Variants in PSIP1 observed in about 807,000 individuals in gnomAD.
The protein encoded by PSIP1 is PC4 and SFRS1-interacting protein.
Under a neutral mutation model 74.7 loss-of-function variants are expected in PSIP1, and 19 were observed. That is an observed-to-expected ratio of 0.25 (90% CI 0.18 to 0.37). The LOEUF (loss-of-function observed/expected upper bound fraction) is 0.37, where lower values mean the gene tolerates loss of function less well. Ranked by LOEUF, PSIP1 falls within the 10% of genes least tolerant of loss-of-function variation. PSIP1 has a pLI of 1.00. For missense variants in PSIP1, 601 were observed against 614.3 expected (o/e 0.98, Z 0.23); for synonymous variants, 222 against 195.3 (o/e 1.14, Z -1.14).
Position 15,486,902 on chromosome 9 carries a change from A to G in PSIP1, c.318T>C (p.Ser106=), listed in dbSNP as rs1185533020. The change falls in exon 5 of 16, where the codon TCT becomes TCC. Residue 106 remains serine, a synonymous_variant. Transcript: ENST00000380733. ...QAATKQSNAS[S]DVEVEEKETS... is the part of the protein sequence containing the mutation. ...TTTCCTTTTCTTCAACTTCAACATC[A>G]GATGATGCATTTGATTGTTTAGTTG... 6.2e-7 allele frequency: 1 copy of G among 1,611,816 alleles called. No homozygotes were observed. The highest frequency in any genetic ancestry group is 8.5e-7 in the Non-Finnish European group (1 of 1,179,012).
chr9:15,495,650 T>C (rs1255377999), intron 3 of PSIP1, among the ~76,000 whole-genome samples: 2 of 152,168 alleles, frequency 1.3e-5, no homozygotes, highest in Non-Finnish European at 2.9e-5. Context: ...CTATCTTCTA[T>C]GCCTTGGCAA....
intron 15 of PSIP1, 181 bp from the exon 16 acceptor site, chr9:15,465,761 A>G (rs554291759): frequency 3.7e-6 from 2 of 534,260 alleles, no homozygotes; most frequent in East Asian, 3.1e-5. Context: ...CAAAACTGTT[A>G]TTTTACCATG....
chr9:15,471,651 T>TTTAAA (rs75623097), intron 10 of PSIP1: 42,903 of 952,200 alleles, frequency 0.045, 1,028 homozygotes, highest in Middle Eastern at 0.068. Flanking sequence ...AGATAAGTTA[T>TTTAAA]TTAAATTACT....
At chr9:15,467,649 A>G (rs2035691184) in intron 14 of PSIP1, among the ~76,000 whole-genome samples, 1 of 152,242 alleles carries the variant, frequency 6.6e-6, no homozygotes, top group African/African-American at 2.4e-5. Context: ...CTGGATGACA[A>G]GGACATGAGA....
intron 8 of PSIP1, among the ~76,000 whole-genome samples, chr9:15,477,789 C>T (rs535452777): frequency 6.6e-6 from 1 of 151,926 alleles, no homozygotes; most frequent in Non-Finnish European, 1.5e-5. Context: ...AATTTACATA[C>T]AAAAATTATT....
At chr9:15,507,229 T>C (rs958472538) in intron 2 of PSIP1, among the ~76,000 whole-genome samples, 4 of 152,218 alleles carry the variant, frequency 2.6e-5, no homozygotes, top group Non-Finnish European at 4.4e-5. Flanking sequence ...TTCAACCTTT[T>C]AAATTATGTA....
At chr9:15,488,414 T>C (rs1164350786) in intron 4 of PSIP1, among the ~76,000 whole-genome samples, 2 of 152,172 alleles carry the variant, frequency 1.3e-5, no homozygotes, top group African/African-American at 2.4e-5. Context: ...ACTCGTGCTC[T>C]TCCTAGTTTT....
chr9:15,490,178 T>G, intron 3 of PSIP1, 54 bp from the exon 4 acceptor site: 1 of 1,453,906 alleles, frequency 6.9e-7, no homozygotes, highest in Non-Finnish European at 9.1e-7. Flanking sequence ...ATACATAATT[T>G]ATTAGATAAG....
chr9:15,472,104 G>A (rs2132048491), intron 10 of PSIP1: 1 of 983,578 alleles, frequency 1.0e-6, no homozygotes, highest in Admixed American at 6.2e-5. Flanking sequence ...CAAAATTTAA[G>A]AGAAAACAGC....
intron 4 of PSIP1, among the ~76,000 whole-genome samples, chr9:15,489,783 T>C (rs879797067): frequency 3.9e-5 from 6 of 152,284 alleles, no homozygotes; most frequent in Admixed American, 3.9e-4. Context: ...TCCCAGTTTC[T>C]TGAGATCTGT....
At chr9:15,466,607 A>C in intron 15 of PSIP1, 141 bp downstream of exon 15, 1 of 618,444 alleles carries the variant, frequency 1.6e-6, no homozygotes, top group Non-Finnish European at 2.6e-6. Flanking sequence ...TCCTTTTTGA[A>C]TTGTAACTTG....
At chr9:15,498,516 A>G (rs910832771) in intron 3 of PSIP1, among the ~76,000 whole-genome samples, 8 of 152,072 alleles carry the variant, frequency 5.3e-5, no homozygotes, top group Admixed American at 5.2e-4. Flanking sequence ...AAAAAAAAAA[A>G]TCTTCCTTGG....
At chr9:15,466,176 G>A (rs1784679899) in intron 15 of PSIP1, among the ~76,000 whole-genome samples, 1 of 152,194 alleles carries the variant, frequency 6.6e-6, no homozygotes, top group African/African-American at 2.4e-5. Flanking sequence ...TCAGGAGTTC[G>A]AGGCCGGGCT....
intron 3 of PSIP1, chr9:15,504,924 C>T (rs1264313601): frequency 6.7e-6 from 1 of 149,734 alleles, no homozygotes; most frequent in Non-Finnish European, 1.5e-5. Flanking sequence ...ACACTCACAG[C>T]TTTATTCAGT....
chr9:15,472,586 T>C (rs1172905304), intron 10 of PSIP1, 46 bp downstream of exon 10: 1 of 1,560,326 alleles, frequency 6.4e-7, no homozygotes, highest in Non-Finnish European at 8.6e-7. Flanking sequence ...AATTCCATGC[T>C]AGCCTTTAAA....
At chr9:15,468,536 A>G (rs1397107370) in intron 14 of PSIP1, 94 bp downstream of exon 14, 1 of 1,339,156 alleles carries the variant, frequency 7.5e-7, no homozygotes, top group African/African-American at 1.4e-5. Flanking sequence ...TGTGGCGTAT[A>G]CACAGTGAAA....
At chr9:15,490,412 G>C (rs1417483564) in intron 3 of PSIP1, among the ~76,000 whole-genome samples, 1 of 152,134 alleles carries the variant, frequency 6.6e-6, no homozygotes, top group Non-Finnish European at 1.5e-5. Flanking sequence ...GCCATGCGTG[G>C]TGCCTTACGC....
intron 3 of PSIP1, 48 bp from the exon 4 acceptor site, chr9:15,490,172 A>G (rs766099538): frequency 8.1e-6 from 12 of 1,474,632 alleles, no homozygotes; most frequent in East Asian, 2.4e-5. Context: ...GCTCAAATAC[A>G]TAATTTATTA....
rs1203052013 is a variant in PSIP1, at chr9:15,465,074, A to AACTT, written c.*442_*445dup. 4.4e-6 allele frequency: 1 copy of AACTT among 227,108 alleles called. No individual in the cohort carries two copies. The highest frequency in any genetic ancestry group is 8.8e-6 in the Non-Finnish European group (1 of 114,224). The allele number at this position is 227,108 out of a possible 1,614,324, so 14.1% of individuals were successfully genotyped here. A position where few individuals can be genotyped will look rare whatever the true frequency, so the allele number is the denominator to read the frequency against. On this transcript the variant is annotated 3_prime_UTR_variant, in exon 16 of 16. Transcript: ENST00000380733. ...CATTTTATCTACCATAAAAATGTGT[A>AACTT]ACTTCTACAAAACCCACAAACAGTG...
Sources: allele counts gnomAD v4.1 joint callset (sites outside exome capture counted in the v4.1 genomes callset), GRCh38; gene constraint gnomAD v4.1.1; transcripts MANE v1.5; gene names NCBI Gene and HGNC (gene_info 2026-07-23, HGNC 2026-07-21).